The following AP4B1 variants were observed in gnomAD, a reference collection of about 807,000 sequenced individuals.
AP4B1 encodes AP-4 complex subunit beta-1.
Under a neutral mutation model 76.5 loss-of-function variants are expected in AP4B1, and 49 were observed. That is an observed-to-expected ratio of 0.64 (90% CI 0.51 to 0.81). The LOEUF is 0.81. Ranked by LOEUF, AP4B1 falls within the 40% of genes least tolerant of loss-of-function variation. The pLI is 0.00. For synonymous variants in AP4B1, 330 were observed against 333.3 expected, an observed-to-expected ratio of 0.99 and a Z score of 0.11; for missense variants, 911 against 904.9, an observed-to-expected ratio of 1.01 and a Z score of -0.09.
In AP4B1 at chr1:113,901,868, T is replaced by G; in HGVS notation, c.356A>C (p.Glu119Ala). ...MCSLRMPGVQ[E>A]YIQQPILNGL... is the part of the protein sequence containing the mutation. The stretch of plus-strand genomic sequence containing the variant: ...ATTGAGAATAGGCTGTTGTATATAC[T>G]CCTGCACACCAGGCATCCTAAGCAA... Residue 119 changes from glutamate (E) to alanine (A), a missense_variant, in exon 3 of 10, where the codon GAG becomes GCG. Coordinates refer to ENST00000369569, the MANE Select transcript of AP4B1 (RefSeq NM_001253852.3). 1 of 1,614,134 alleles carries G rather than the reference T, an allele frequency of 6.2e-7. No individual in the cohort carries two copies. Among genetic ancestry groups the G allele is most frequent in the Non-Finnish European group, 8.5e-7 (1 of 1,180,000 alleles).
At chr1:113,903,191 G>A (rs1668526433) in intron 1 of AP4B1, among the ~76,000 whole-genome samples, 1 of 152,124 alleles carries the variant, frequency 6.6e-6, no homozygotes, top group Non-Finnish European at 1.5e-5. Flanking sequence ...TCAGCCTCCC[G>A]AGTAGCTGGG....
In AP4B1 at chr1:113,904,751, C is replaced by A. The variant is rs763036231; in HGVS notation, c.-34G>T. On this transcript the variant is annotated 5_prime_UTR_variant, in exon 1 of 10. Coordinates refer to ENST00000369569, the MANE Select transcript of AP4B1 (RefSeq NM_001253852.3). ...GAGTCACAGGGCAGCTCCCACAGCT[C>A]CCACGGTAACTCGAGGGCTCCTTCT... The A allele has an allele frequency of 1.3e-6, 2 of 1,573,552 alleles. No individual in the cohort carries two copies. The highest frequency in any genetic ancestry group is 1.1e-5 in the South Asian group (1 of 90,214).
intron 6 of AP4B1, 145 bp downstream of exon 6, chr1:113,898,573 A>G (rs1037934074): frequency 2.8e-5 from 21 of 753,272 alleles, no homozygotes; most frequent in Non-Finnish European, 4.5e-5. Flanking sequence ...TATAGACTTT[A>G]TGCTTCTCTA....
intron 5 of AP4B1, chr1:113,899,318 C>A: frequency 2.0e-6 from 2 of 1,015,542 alleles, no homozygotes; most frequent in Non-Finnish European, 2.4e-6. Flanking sequence ...GTCACTCCAG[C>A]CTTTCAAATT....
intron 5 of AP4B1, chr1:113,899,098 T>G: frequency 2.5e-6 from 3 of 1,216,348 alleles, no homozygotes; most frequent in Non-Finnish European, 3.1e-6. Context: ...CAGCCAGATA[T>G]GAGGTACCCT....
Position 113,902,831 on chromosome 1 carries a change from C to A in AP4B1, c.145G>T (p.Val49Phe). 4 of 1,614,212 alleles carry A rather than the reference C, an allele frequency of 2.5e-6. No homozygotes were observed. Among genetic ancestry groups the A allele is most frequent in the Non-Finnish European group, 3.4e-6 (4 of 1,180,040 alleles). ...CTGGCCTTCACCATTTCCATAAAAA[C>A]ACCAGACATGTCCAAGCCTTGAGTC... ...YMTQGLDMSG[V>F]FMEMVKASAT... Residue 49 changes from valine (V) to phenylalanine (F), a missense_variant, in exon 2 of 10, where the codon GTT becomes TTT. By Grantham distance (50) the Val-to-Phe change is conservative (BLOSUM62 -1). Transcript: ENST00000369569.
At position 113,900,094 on chromosome 1, in the gene AP4B1, T is replaced by C. The variant is rs1256078127; in HGVS notation, c.924A>G (p.Pro308=). 5.0e-6 allele frequency: 8 copies of C among 1,614,206 alleles called. No homozygotes were observed. Among genetic ancestry groups the C allele is most frequent in the East Asian group, 2.2e-5 (1 of 44,892 alleles). The change falls in exon 5 of 10, where the codon CCA becomes CCG. Residue 308 remains proline, a synonymous_variant. Coordinates refer to ENST00000369569, the MANE Select transcript of AP4B1 (RefSeq NM_001253852.3). ...TTTTGTAGTGGCTGCTAAAGTGACC[T>C]GGTAAACTATGCAAGATCTGGCGTA... is the stretch of plus-strand genomic sequence containing the variant. The part of the protein sequence containing the change: ...CHVRQILHSL[P]GHFSSHYKKF...
At chr1:113,901,426 C>T (rs1441651751) in intron 3 of AP4B1, 43 bp from the exon 4 acceptor site, 7 of 1,598,030 alleles carry the variant, frequency 4.4e-6, no homozygotes, top group Non-Finnish European at 5.1e-6. Flanking sequence ...AGGAAAGCTT[C>T]AGAGTAACAA....
At chr1:113,904,361 A>G (rs1668698011) in intron 1 of AP4B1, among the ~76,000 whole-genome samples, 1 of 152,232 alleles carries the variant, frequency 6.6e-6, no homozygotes, top group Admixed American at 6.5e-5. Context: ...TGTACTAGCT[A>G]TATTATAGAT....
intron 5 of AP4B1, 59 bp downstream of exon 5, chr1:113,899,845 C>T (rs1558087565): frequency 6.2e-6 from 10 of 1,613,772 alleles, no homozygotes; most frequent in Non-Finnish European, 8.5e-6. Flanking sequence ...GTTCCTCTAA[C>T]CACAGTTTTC....
In AP4B1 at chr1:113,895,451, G is replaced by A; in HGVS notation, c.1834C>T (p.Leu612Phe). ...AGCATGAGGGCTCCAGAATCAGGGAGTTCTTGTACCCTCTCCTTGTTCTCT... is the reference window on the plus strand; with the variant it reads ...AGCATGAGGGCTCCAGAATCAGGGAATTCTTGTACCCTCTCCTTGTTCTCT... ...PEENKERVQE[L>F]PDSGALMLVP... The change falls in exon 10 of 10, where the codon CTC becomes TTC. Residue 612 changes from leucine (L) to phenylalanine (F), a missense_variant. Coordinates refer to ENST00000369569, the MANE Select transcript of AP4B1 (RefSeq NM_001253852.3). 1 of 1,614,226 alleles carries A rather than the reference G, an allele frequency of 6.2e-7. No individual in the cohort carries two copies. The highest frequency in any genetic ancestry group is 8.5e-7 in the Non-Finnish European group (1 of 1,180,054).
intron 7 of AP4B1, 108 bp downstream of exon 7, chr1:113,897,732 A>G: frequency 8.6e-7 from 1 of 1,166,778 alleles, no homozygotes; most frequent in Non-Finnish European, 1.3e-6. Flanking sequence ...CAATTCGAAG[A>G]GTGCCCACTT....
In AP4B1 at chr1:113,900,042, G is replaced by A. The variant is rs1219614734; in HGVS notation, c.976C>T (p.His326Tyr). 1.9e-6 allele frequency: 3 copies of A among 1,614,146 alleles called. No homozygotes were observed. The East Asian group carries it at 6.7e-5, about 36-fold the overall frequency. The part of the protein sequence containing the change: ...KKFFCSYSEP[H>Y]YIKLQKVEVL... ...TCCACTTTCTGTAGTTTGATGTAGTGGGGCTCCGAGTAGGAGCAAAAAAAC... is the reference window on the plus strand; with the variant it reads ...TCCACTTTCTGTAGTTTGATGTAGTAGGGCTCCGAGTAGGAGCAAAAAAAC... The change falls in exon 5 of 10, where the codon CAC becomes TAC. Residue 326 changes from histidine (H) to tyrosine (Y), a missense_variant. Coordinates refer to ENST00000369569, the MANE Select transcript of AP4B1 (RefSeq NM_001253852.3).
intron 3 of AP4B1, 149 bp from the exon 4 acceptor site, chr1:113,901,532 A>C (rs77831247): frequency 7.2e-5 from 85 of 1,179,468 alleles, no homozygotes; most frequent in Middle Eastern, 2.8e-4. Context: ...CAAAAAAAAA[A>C]CTGCCATGTC....
chr1:113,894,653 C>A lies in AP4B1; in HGVS notation c.*412G>T. On this transcript the variant is annotated 3_prime_UTR_variant, in exon 10 of 10. Transcript: ENST00000369569. Reference sequence around the variant, plus strand: ...GACATTAAGGACTTTGGAATCTGGCCTAAAAGCATGATTGGAAATATGAGA... The same window carrying A: ...GACATTAAGGACTTTGGAATCTGGCATAAAAGCATGATTGGAAATATGAGA... The A allele has an allele frequency of 4.7e-6, 1 of 211,298 alleles. No individual in the cohort carries two copies. The highest frequency in any genetic ancestry group is 9.6e-6 in the Non-Finnish European group (1 of 103,968). The allele number at this position is 211,298 out of a possible 1,614,324, so 13.1% of individuals were successfully genotyped here.
chr1:113,900,977 C>G (rs948824321), intron 4 of AP4B1: 50 of 447,322 alleles, frequency 1.1e-4, no homozygotes, highest in Middle Eastern at 6.4e-4. Context: ...CATGGTGGCG[C>G]ATGCCTATAA....
intron 5 of AP4B1, 178 bp downstream of exon 5, chr1:113,899,723 AAAC>A (rs1325655322): frequency 1.0e-6 from 1 of 984,822 alleles, no homozygotes; most frequent in East Asian, 2.4e-5. Context: ...GACCAAAAAA[AAAC>A]AAAAAACAAA....
chr1:113,900,468 A>G, intron 4 of AP4B1, 68 bp from the exon 5 acceptor site: 2 of 1,570,222 alleles, frequency 1.3e-6, no homozygotes, highest in Non-Finnish European at 1.7e-6. Flanking sequence ...TGCCACTGCC[A>G]TATGACCAGG....
intron 5 of AP4B1, 121 bp from the exon 6 acceptor site, chr1:113,898,922 A>C (rs1466265543): frequency 3.0e-6 from 3 of 1,009,330 alleles, no homozygotes; most frequent in Non-Finnish European, 4.4e-6. Context: ...AAAAAAGAAA[A>C]AAATTCACTC....
Sources: allele counts gnomAD v4.1 joint callset (sites outside exome capture counted in the v4.1 genomes callset), GRCh38; gene constraint gnomAD v4.1.1; transcripts MANE v1.5; gene names NCBI Gene and HGNC (gene_info 2026-07-23, HGNC 2026-07-21).